The following THADA variants were observed in gnomAD, a reference collection of about 807,000 sequenced individuals.
THADA encodes the protein tRNA (32-2'-O)-methyltransferase regulator THADA.
Under a neutral mutation model 219.8 loss-of-function variants are expected in THADA, and 213 were observed. That is an observed-to-expected ratio of 0.97 (90% CI 0.87 to 1.09). The LOEUF is 1.09. Among genes scored for constraint, THADA ranks in the 50% least tolerant of loss-of-function variants. The pLI, the probability that THADA is intolerant of heterozygous loss-of-function variation, is 0.00. For missense variants in THADA, 2,956 were observed against 2,311.3 expected (o/e 1.28, Z -5.72); for synonymous variants, 1,018 against 828.9 (o/e 1.23, Z -3.92).
chr2:43,508,381 G>C (rs1689970535), intron 23 of THADA, among the ~76,000 whole-genome samples: 1 of 152,062 alleles, frequency 6.6e-6, no homozygotes, highest in South Asian at 2.1e-4. Flanking sequence ...CCACAGTGAT[G>C]TCTGCCTACT....
intron 23 of THADA, among the ~76,000 whole-genome samples, chr2:43,507,447 C>A (rs1267007426): frequency 2.6e-5 from 4 of 152,118 alleles, no homozygotes; most frequent in Non-Finnish European, 5.9e-5. Context: ...AACACAAGGT[C>A]AGAGTGAATT....
At chr2:43,539,137 G>T (rs1694976828) in intron 21 of THADA, among the ~76,000 whole-genome samples, 1 of 152,184 alleles carries the variant, frequency 6.6e-6, no homozygotes, top group South Asian at 2.1e-4. Flanking sequence ...CCTCTAACTA[G>T]GGTTGCATTC....
chr2:43,285,534 C>G (rs1360545593), intron 35 of THADA, among the ~76,000 whole-genome samples: 1 of 151,776 alleles, frequency 6.6e-6, no homozygotes, highest in African/African-American at 2.4e-5. Context: ...TCAATTAAAC[C>G]TCTTTTCTTC....
intron 26 of THADA, among the ~76,000 whole-genome samples, chr2:43,462,225 C>A (rs17030855): frequency 0.086 from 13,025 of 152,188 alleles, 621 homozygotes; most frequent in South Asian, 0.14. Flanking sequence ...AAAACACCTG[C>A]TTTCCAAACC....
At chr2:43,553,728 C>T (rs1389361002) in intron 17 of THADA, among the ~76,000 whole-genome samples, 1 of 152,180 alleles carries the variant, frequency 6.6e-6, no homozygotes, top group Non-Finnish European at 1.5e-5. Context: ...ATTTTACAAT[C>T]CCACCAACAG....
At chr2:43,481,719 T>C (rs1392616453) in intron 26 of THADA, among the ~76,000 whole-genome samples, 2 of 152,220 alleles carry the variant, frequency 1.3e-5, no homozygotes, top group African/African-American at 4.8e-5. Context: ...CTTCATGTAC[T>C]CCCCTATTAT....
rs146368418 is a variant in THADA, at chr2:43,382,566, C to A, written c.4227+15405G>T. Among the ~76,000 whole-genome samples, 1,029 of 152,056 alleles carry A rather than the reference C, an allele frequency of 6.8e-3. 4 individuals are homozygous for A. The highest frequency in any genetic ancestry group is 0.012 in the South Asian group (56 of 4,798). On this transcript the variant is annotated intron_variant, in intron 29 of 37. Coordinates refer to ENST00000405975, the MANE Select transcript of THADA (RefSeq NM_022065.5). ...AGAGTTGGTGTCACCATGTCAATAC[C>A]AGACAAAATTAGAATTTAAGCCAAA...
At position 43,286,892 on chromosome 2, in the gene THADA, G is replaced by A. The variant is rs371790031; in HGVS notation, c.5164+16C>T. 304 of 1,602,542 alleles carry A rather than the reference G, an allele frequency of 1.9e-4. No individual in the cohort carries two copies. In the African/African-American group the frequency reaches 2.8e-3, roughly 15 times the overall value. ...AGTGAGTTTGGTACAACAGACTTCC[G>A]TCTCGGCGCACTTACCAAGAATAGG... On this transcript the variant is annotated intron_variant, in intron 35 of 37. Coordinates refer to ENST00000405975, the MANE Select transcript of THADA (RefSeq NM_022065.5).
intron 24 of THADA, 126 bp from the exon 25 acceptor site, chr2:43,499,081 A>ATTTC: frequency 9.8e-7 from 1 of 1,018,482 alleles, no homozygotes; most frequent in Non-Finnish European, 1.4e-6. Context: ...ATAATCCGCA[A>ATTTC]ATGAAATAGC....
intron 36 of THADA, among the ~76,000 whole-genome samples, chr2:43,239,806 A>G (rs1668430648): frequency 6.6e-6 from 1 of 152,176 alleles, no homozygotes; most frequent in Non-Finnish European, 1.5e-5. Flanking sequence ...GCTTTAGGGG[A>G]CTGGCCAAGG....
chr2:43,235,995 G>C (rs1667991946), intron 36 of THADA, among the ~76,000 whole-genome samples: 1 of 152,038 alleles, frequency 6.6e-6, no homozygotes, highest in South Asian at 2.1e-4. Context: ...ATTTTTAATA[G>C]AGACGGGGTT....
chr2:43,243,796 C>G (rs1396919714), intron 36 of THADA, among the ~76,000 whole-genome samples: 2 of 152,172 alleles, frequency 1.3e-5, no homozygotes, highest in African/African-American at 4.8e-5. Context: ...TAAGAATTTG[C>G]CTTTTCTTCA....
chr2:43,448,655 G>A (rs1258096014), intron 26 of THADA, among the ~76,000 whole-genome samples: 2 of 133,642 alleles, frequency 1.5e-5, no homozygotes, highest in African/African-American at 5.6e-5. Flanking sequence ...ACATTCAAAA[G>A]TAACCACATA....
intron 17 of THADA, 137 bp from the exon 18 acceptor site, chr2:43,552,476 T>C (rs1696863765): frequency 1.0e-6 from 1 of 971,382 alleles, no homozygotes; most frequent in Non-Finnish European, 1.5e-6. Flanking sequence ...AAAAGAGATC[T>C]TTCAGGGTTA....
At chr2:43,386,694 G>C (rs1274429952) in intron 29 of THADA, among the ~76,000 whole-genome samples, 2 of 152,114 alleles carry the variant, frequency 1.3e-5, no homozygotes, top group Admixed American at 6.6e-5. Flanking sequence ...GGGGGTTCAA[G>C]ACCAGCCTGG....
chr2:43,254,207 G>T (rs1366939863), intron 36 of THADA, among the ~76,000 whole-genome samples: 1 of 152,090 alleles, frequency 6.6e-6, no homozygotes, highest in Non-Finnish European at 1.5e-5. Flanking sequence ...ACTGACACAG[G>T]ACTTGGACTT....
chr2:43,409,510 G>A (rs1676017710), intron 28 of THADA, among the ~76,000 whole-genome samples: 1 of 152,006 alleles, frequency 6.6e-6, no homozygotes, highest in South Asian at 2.1e-4. Context: ...ATAGACTACT[G>A]CCAGTCAGTT....
At chr2:43,546,972 G>A (rs1696115316) in intron 20 of THADA, among the ~76,000 whole-genome samples, 1 of 152,082 alleles carries the variant, frequency 6.6e-6, no homozygotes, top group Admixed American at 6.6e-5. Context: ...AGCCTCAATG[G>A]TCTTTACAAT....
chr2:43,447,542 T>C (rs2104882485), intron 26 of THADA, among the ~76,000 whole-genome samples: 1 of 152,304 alleles, frequency 6.6e-6, no homozygotes, highest in East Asian at 1.9e-4. Context: ...GAAGGGCCAT[T>C]AATCTGCCTG....
Sources: allele counts gnomAD v4.1 joint callset (sites outside exome capture counted in the v4.1 genomes callset), GRCh38; gene constraint gnomAD v4.1.1; transcripts MANE v1.5; gene names NCBI Gene and HGNC (gene_info 2026-07-23, HGNC 2026-07-21).